RBFOX1: variants seen among roughly 807,000 people sequenced by gnomAD.
The protein encoded by RBFOX1 is RNA binding protein fox-1 homolog 1.
A neutral mutation model predicts 57.7 loss-of-function variants in RBFOX1; 8 were observed. That is an observed-to-expected ratio of 0.14 (90% CI 0.08 to 0.25). The LOEUF is 0.25. RBFOX1 is among the 10% of genes least tolerant of loss of function. RBFOX1 has a pLI of 1.00. For synonymous variants in RBFOX1, 326 were observed against 222.4 expected (o/e 1.47, Z -4.15); for missense variants, 611 against 548.5 (o/e 1.11, Z -1.14).
intron 4 of RBFOX1, chr16:7,333,141 A>G: frequency 6.5e-7 from 1 of 1,532,386 alleles, no homozygotes; most frequent in Non-Finnish European, 9.0e-7. Flanking sequence ...GCTCAGAGTA[A>G]TAATTGGAAT....
intron 4 of RBFOX1, among the ~76,000 whole-genome samples, chr16:7,082,676 G>A (rs1049617944): frequency 6.6e-6 from 1 of 152,174 alleles, no homozygotes; most frequent in Non-Finnish European, 1.5e-5. Flanking sequence ...TTTAATGAAG[G>A]CTTGCAGACT....
chr16:7,626,636 A>G (rs2060116038), intron 10 of RBFOX1, among the ~76,000 whole-genome samples: 1 of 152,240 alleles, frequency 6.6e-6, no homozygotes, highest in Non-Finnish European at 1.5e-5. Flanking sequence ...TATAAGAACC[A>G]GGAAAGAAGA....
intron 4 of RBFOX1, among the ~76,000 whole-genome samples, chr16:7,130,032 ATTTTT>A (rs58634498): frequency 7.5e-6 from 1 of 133,414 alleles, no homozygotes. Context: ...ATTTTTGAAG[ATTTTT>A]TTTTTTTTTT....
intron 10 of RBFOX1, among the ~76,000 whole-genome samples, chr16:7,629,982 T>A (rs373411277): frequency 1.3e-5 from 2 of 152,204 alleles, no homozygotes; most frequent in Non-Finnish European, 2.9e-5. Flanking sequence ...TTTTTCTTTC[T>A]CCGCCTTACT....
intron 4 of RBFOX1, among the ~76,000 whole-genome samples, chr16:7,073,232 A>G (rs2057683080): frequency 6.6e-6 from 1 of 152,184 alleles, no homozygotes; most frequent in African/African-American, 2.4e-5. Context: ...TTAAAACTTA[A>G]TAATATGTGA....
chr16:6,864,948 C>A (rs958339675), intron 3 of RBFOX1, among the ~76,000 whole-genome samples: 2 of 150,570 alleles, frequency 1.3e-5, no homozygotes, highest in Non-Finnish European at 2.9e-5. Flanking sequence ...AAAAATAAGC[C>A]CTGTTCCTCA....
intron 9 of RBFOX1, among the ~76,000 whole-genome samples, chr16:7,605,868 T>C (rs1014540326): frequency 4.6e-5 from 7 of 152,178 alleles, no homozygotes; most frequent in Non-Finnish European, 8.8e-5. Context: ...AGACAGAGTC[T>C]CACTCTGTCA....
At chr16:6,929,050 G>T (rs1334528601) in intron 3 of RBFOX1, among the ~76,000 whole-genome samples, 2 of 152,156 alleles carry the variant, frequency 1.3e-5, no homozygotes, top group Non-Finnish European at 2.9e-5. Flanking sequence ...CAGTTAGGAA[G>T]ACGCCAGGAA....
intron 2 of RBFOX1, among the ~76,000 whole-genome samples, chr16:6,403,371 T>G (rs2093153376): frequency 6.6e-6 from 1 of 151,334 alleles, no homozygotes; most frequent in African/African-American, 2.4e-5. Context: ...TATCAGAGAC[T>G]TTTTTTTTAA....
At chr16:7,233,136 C>A (rs550426535) in intron 4 of RBFOX1, among the ~76,000 whole-genome samples, 1 of 152,086 alleles carries the variant, frequency 6.6e-6, no homozygotes, top group South Asian at 2.1e-4. Context: ...AAAAACCCCA[C>A]TGTACTTAGA....
chr16:6,613,302 G>A (rs923613628), intron 2 of RBFOX1, among the ~76,000 whole-genome samples: 1 of 152,046 alleles, frequency 6.6e-6, no homozygotes, highest in African/African-American at 2.4e-5. Flanking sequence ...GGGTAAACTT[G>A]GGAAGGATGG....
intron 1 of RBFOX1, among the ~76,000 whole-genome samples, chr16:6,028,027 A>G (rs1156829568): frequency 6.6e-6 from 1 of 152,166 alleles, no homozygotes; most frequent in Non-Finnish European, 1.5e-5. Context: ...CTGATTCAGC[A>G]ACAGTAGCCC....
At position 6,903,993 on chromosome 16, in the gene RBFOX1, C is replaced by T. The variant is rs143529945; in HGVS notation, c.-15-148064C>T. On this transcript the variant is annotated intron_variant, in intron 3 of 15. Coordinates refer to ENST00000550418, the MANE Select transcript of RBFOX1 (RefSeq NM_018723.4). ...CCAAGGTTCACATCCCAGGGAGTGA[C>T]CACGTGGTCACAAAACACAGCCTAC... 1.4e-3 allele frequency among the ~76,000 whole-genome samples: 214 copies of T among 152,204 alleles called. 1 individual carries two copies. Among genetic ancestry groups the T allele is most frequent in the Middle Eastern group, 3.4e-3 (1 of 294 alleles).
chr16:5,717,543 T>C (rs1399793330), intron 3 of RBFOX1, among the ~76,000 whole-genome samples: 1 of 152,138 alleles, frequency 6.6e-6, no homozygotes, highest in Non-Finnish European at 1.5e-5. Context: ...CCATTTTTCA[T>C]TCTTATGCTT....
intron 2 of RBFOX1, among the ~76,000 whole-genome samples, chr16:6,416,521 T>C (rs1051342133): frequency 2.0e-5 from 3 of 152,038 alleles, no homozygotes; most frequent in Admixed American, 1.3e-4. Flanking sequence ...CTGAAAGAGA[T>C]TGTATTAATG....
intron 3 of RBFOX1, among the ~76,000 whole-genome samples, chr16:5,641,357 C>G (rs1448126876): frequency 6.6e-6 from 1 of 152,204 alleles, no homozygotes; most frequent in African/African-American, 2.4e-5. Flanking sequence ...GAAAATTATG[C>G]AATAAACTAC....
intron 1 of RBFOX1, among the ~76,000 whole-genome samples, chr16:5,394,076 T>C (rs1391267691): frequency 1.3e-5 from 2 of 152,146 alleles, no homozygotes; most frequent in Non-Finnish European, 2.9e-5. Context: ...CATGTTGGAG[T>C]GCAGTGCTGT....
intron 1 of RBFOX1, among the ~76,000 whole-genome samples, chr16:5,378,847 A>G (rs1003793586): frequency 6.6e-6 from 1 of 151,592 alleles, no homozygotes. Flanking sequence ...TGTTTGCACA[A>G]TAAATGTTCA....
intron 4 of RBFOX1, among the ~76,000 whole-genome samples, chr16:7,436,250 G>A (rs578226219): frequency 5.9e-5 from 9 of 152,228 alleles, no homozygotes; most frequent in South Asian, 2.1e-4. Flanking sequence ...ACAATGAATC[G>A]TGAGCATCTT....
Sources: gnomAD v4.1 joint callset for allele counts (sites outside exome capture counted in the v4.1 genomes callset) on GRCh38, gnomAD v4.1.1 for gene constraint, MANE v1.5 for transcripts, NCBI Gene and HGNC (gene_info 2026-07-23, HGNC 2026-07-21) for gene names.